PKHD1: variants seen among roughly 807,000 people sequenced by gnomAD.
The protein encoded by PKHD1 is PKHD1 ciliary IPT domain containing fibrocystin/polyductin.
In PKHD1, 291 loss-of-function variants were observed where a neutral mutation model predicts 412.0. The ratio of observed to expected loss-of-function variants is 0.71; its 90% CI spans 0.64 to 0.78. PKHD1 has a LOEUF of 0.78. Ranked by LOEUF, PKHD1 falls within the 30% of genes least tolerant of loss-of-function variation. The pLI is 0.00. For synonymous variants in PKHD1, 1,777 were observed against 1,821.5 expected (o/e 0.98, Z 0.62); for missense variants, 4,825 against 4,950.7 (o/e 0.97, Z 0.76).
chr6:51,693,962 AC>A (rs1398851761), intron 60 of PKHD1, among the ~76,000 whole-genome samples: 4 of 152,080 alleles, frequency 2.6e-5, no homozygotes, highest in Admixed American at 2.6e-4. Flanking sequence ...TCTGATTCAA[AC>A]CCCCTGTCCT....
At position 52,036,530 on chromosome 6, in the gene PKHD1, A is replaced by AC. The variant is rs760765987; in HGVS notation, c.3098-810dup. On this transcript the variant is annotated intron_variant, in intron 27 of 66. Coordinates refer to ENST00000371117, the MANE Select transcript of PKHD1 (RefSeq NM_138694.4). ...GGCAGTGAGGCCACCAAACAGCCTT[A>AC]CCCCCCCTTGAGGGTGGGGAGGGAT... Among the ~76,000 whole-genome samples the AC allele has an allele frequency of 7.9e-5, 12 of 151,904 alleles. No individual in the cohort carries two copies. The East Asian group carries it at 9.7e-4, about 12-fold the overall frequency.
chr6:52,081,065 TTTTCACACTTAA>T (rs1811959048), intron 4 of PKHD1, among the ~76,000 whole-genome samples: 1 of 152,180 alleles, frequency 6.6e-6, no homozygotes, highest in African/African-American at 2.4e-5. Context: ...AACTGTACAT[TTTTCACACTTAA>T]TTGAATCTGA....
chr6:51,744,728 AAAG>A (rs1443766103), intron 59 of PKHD1, among the ~76,000 whole-genome samples, 186 bp from the exon 60 acceptor site: 1 of 152,214 alleles, frequency 6.6e-6, no homozygotes, highest in Non-Finnish European at 1.5e-5. Context: ...GGTCAAGAAG[AAAG>A]ACATTCTTAC....
intron 60 of PKHD1, among the ~76,000 whole-genome samples, chr6:51,720,448 C>A (rs1781764849): frequency 6.6e-6 from 1 of 152,146 alleles, no homozygotes; most frequent in South Asian, 2.1e-4. Context: ...CTCCAGTGCC[C>A]AGGCTCTTTC....
Position 52,043,000 on chromosome 6 carries a change from C to A in PKHD1, c.2956G>T (p.Asp986Tyr), listed in dbSNP as rs1805169347. 1.2e-6 allele frequency: 2 copies of A among 1,614,108 alleles called. No individual in the cohort carries two copies. Among genetic ancestry groups the A allele is most frequent in the Non-Finnish European group, 1.7e-6 (2 of 1,179,948 alleles). Residue 986 changes from aspartate to tyrosine, a missense_variant, in exon 27 of 67, where the codon GAT becomes TAT. Asp to Tyr is a radical substitution (Grantham distance 160, BLOSUM62 -3). Transcript: ENST00000371117. ...SNQTNVVCQTDLLPVGMHRIL... is the reference protein window; with the variant it reads ...SNQTNVVCQTYLLPVGMHRIL... The stretch of plus-strand genomic sequence containing the variant: ...CGATGCATTCCAACAGGTAGCAAAT[C>A]TGTCTGACAGACTACATTGGTCTGG...
At chr6:51,773,120 T>C (rs373021113) in intron 54 of PKHD1, among the ~76,000 whole-genome samples, 1 of 152,034 alleles carries the variant, frequency 6.6e-6, no homozygotes, top group Non-Finnish European at 1.5e-5. Context: ...CCAAACCATT[T>C]GCAATTCTTT....
intron 6 of PKHD1, 113 bp downstream of exon 6, chr6:52,076,163 G>T: frequency 1.3e-6 from 1 of 753,620 alleles, no homozygotes; most frequent in Non-Finnish European, 2.4e-6. Flanking sequence ...TTTCAAAACA[G>T]CATCAAAGAA....
chr6:51,747,095 T>C (rs1785293411), intron 58 of PKHD1, among the ~76,000 whole-genome samples: 1 of 151,970 alleles, frequency 6.6e-6, no homozygotes, highest in Non-Finnish European at 1.5e-5. Flanking sequence ...CAGAGAAGAG[T>C]ATTTCAATAC....
At chr6:51,929,016 A>C (rs2127747458) in intron 37 of PKHD1, among the ~76,000 whole-genome samples, 1 of 152,306 alleles carries the variant, frequency 6.6e-6, no homozygotes, top group Non-Finnish European at 1.5e-5. Flanking sequence ...GTTTGTATCT[A>C]GCTCAAGGGA....
At position 51,885,842 on chromosome 6, in the gene PKHD1, TAAC is replaced by T. The variant is rs773514448; in HGVS notation, c.7215+22_7215+24del. 1.4e-5 allele frequency: 20 copies of T among 1,429,126 alleles called. No individual in the cohort carries two copies. In the East Asian group the frequency reaches 2.0e-4, roughly 15 times the overall value. The allele number at this position is 1,429,126 out of a possible 1,614,324, so 88.5% of individuals were successfully genotyped here. A position where few individuals can be genotyped will look rare whatever the true frequency, so the allele number is the denominator to read the frequency against. On this transcript the variant is annotated intron_variant, in intron 45 of 66. Coordinates refer to ENST00000371117, the MANE Select transcript of PKHD1 (RefSeq NM_138694.4). ...GTTTTAATTTTAAAAACAACAACAA[TAAC>T]AACAACAACAAAAAAGCTTACCTGG...
Position 52,056,889 on chromosome 6 carries a change from C to T in PKHD1, c.1602+1G>A, listed in dbSNP as rs398124476. 6.2e-7 allele frequency: 1 copy of T among 1,611,562 alleles called. No homozygotes were observed. Among genetic ancestry groups the T allele is most frequent in the Non-Finnish European group, 8.5e-7 (1 of 1,177,672 alleles). On this transcript the variant is annotated splice_donor_variant, in intron 17 of 66. Transcript: ENST00000371117. LOFTEE classifies it high-confidence loss of function. ...CCTCATTTTTTGAAGAAGTCTCCCA[C>T]CAGATGGGCTGTGGCATTTGCAGGG...
chr6:52,080,294 A>G (rs908926323), intron 4 of PKHD1, among the ~76,000 whole-genome samples: 20 of 152,228 alleles, frequency 1.3e-4, no homozygotes, highest in African/African-American at 4.8e-4. Flanking sequence ...AAGAATTAGA[A>G]GAGACTTTGA....
chr6:52,056,526 C>T lies in PKHD1; in HGVS notation c.1693+172G>A, dbSNP rs116783183. 5.6e-3 allele frequency among the ~76,000 whole-genome samples: 856 copies of T among 152,202 alleles called. 10 individuals carry two copies. The highest frequency in any genetic ancestry group is 0.019 in the African/African-American group (808 of 41,520). Reference sequence around the variant, plus strand: ...ATTGACACCCACCGAGCATCAACCTCCCAAGCACAGTGCAGTGCCAGTCCC... The same window carrying T: ...ATTGACACCCACCGAGCATCAACCTTCCAAGCACAGTGCAGTGCCAGTCCC... On this transcript the variant is annotated intron_variant, in intron 18 of 66. Coordinates refer to ENST00000371117, the MANE Select transcript of PKHD1 (RefSeq NM_138694.4).
At chr6:51,699,663 T>C (rs1779190907) in intron 60 of PKHD1, among the ~76,000 whole-genome samples, 2 of 152,188 alleles carry the variant, frequency 1.3e-5, no homozygotes, top group South Asian at 4.1e-4. Context: ...TTCCATAGTG[T>C]ATGTATACTT....
At chr6:51,994,470 T>C (rs1797474502) in intron 35 of PKHD1, among the ~76,000 whole-genome samples, 1 of 152,212 alleles carries the variant, frequency 6.6e-6, no homozygotes, top group African/African-American at 2.4e-5. Context: ...CATGTTTCTT[T>C]ACTAATTGCT....
chr6:51,769,128 T>G (rs1387946978), intron 55 of PKHD1, among the ~76,000 whole-genome samples: 4 of 151,502 alleles, frequency 2.6e-5, no homozygotes, highest in Non-Finnish European at 5.9e-5. Flanking sequence ...GGATGTTTTC[T>G]CAGTTTTCTT....
intron 60 of PKHD1, among the ~76,000 whole-genome samples, chr6:51,742,867 G>A (rs1005509692): frequency 1.3e-5 from 2 of 152,146 alleles, no homozygotes; most frequent in African/African-American, 4.8e-5. Context: ...TTTAGATAGG[G>A]TGGTCAAGGA....
intron 60 of PKHD1, among the ~76,000 whole-genome samples, chr6:51,707,288 T>C (rs1293091345): frequency 1.3e-5 from 2 of 152,150 alleles, no homozygotes; most frequent in African/African-American, 4.8e-5. Flanking sequence ...TCATTTGATG[T>C]TCCTATTCCT....
At chr6:51,679,094 C>T (rs1225237438) in intron 60 of PKHD1, among the ~76,000 whole-genome samples, 2 of 152,008 alleles carry the variant, frequency 1.3e-5, no homozygotes. Flanking sequence ...AATGGGAAGC[C>T]CCGGACACAA....
Sources: allele counts gnomAD v4.1 joint callset (sites outside exome capture counted in the v4.1 genomes callset), GRCh38; gene constraint gnomAD v4.1.1; transcripts MANE v1.5; gene names NCBI Gene and HGNC (gene_info 2026-07-23, HGNC 2026-07-21).